The following RCOR1 variants were observed in gnomAD, a reference collection of about 807,000 sequenced individuals.
RCOR1 encodes the protein REST corepressor.
In RCOR1, 12 loss-of-function variants were observed where a neutral mutation model predicts 64.0. The observed-to-expected ratio is 0.19, with a 90% CI of 0.12 to 0.30. RCOR1 has a LOEUF of 0.30. RCOR1 is among the 10% of genes least tolerant of loss of function. The pLI, the probability that RCOR1 is intolerant of heterozygous loss-of-function variation, is 1.00. For missense variants in RCOR1, 502 were observed against 621.2 expected, an observed-to-expected ratio of 0.81 and a Z score of 2.04; for synonymous variants, 279 against 227.2, an observed-to-expected ratio of 1.23 and a Z score of -2.05.
chr14:102,657,878 A>T, intron 2 of RCOR1: 1 of 984,844 alleles, frequency 1.0e-6, no homozygotes, highest in Non-Finnish European at 1.2e-6. Context: ...ATTAAGGGCA[A>T]ACTTGGAACA....
At chr14:102,621,431 A>G (rs1004820892) in intron 2 of RCOR1, among the ~76,000 whole-genome samples, 1 of 125,814 alleles carries the variant, frequency 7.9e-6, no homozygotes, top group African/African-American at 3.2e-5. Flanking sequence ...GCTGGAGTGC[A>G]CTGGTGCAAT....
intron 2 of RCOR1, among the ~76,000 whole-genome samples, chr14:102,616,328 G>A (rs1893762751): frequency 6.6e-6 from 1 of 151,720 alleles, no homozygotes; most frequent in East Asian, 1.9e-4. Flanking sequence ...GGAGTGCAGT[G>A]GTGCGATCAC....
At chr14:102,679,029 C>T (rs758786947) in intron 2 of RCOR1, among the ~76,000 whole-genome samples, 90 of 152,142 alleles carry the variant, frequency 5.9e-4, no homozygotes, top group Middle Eastern at 3.4e-3. Context: ...GATAGAAGTC[C>T]TTTGTTGCAT....
At chr14:102,623,444 T>C (rs1893918008) in intron 2 of RCOR1, among the ~76,000 whole-genome samples, 1 of 151,352 alleles carries the variant, frequency 6.6e-6, no homozygotes, top group Non-Finnish European at 1.5e-5. Flanking sequence ...AGTCTCGCTC[T>C]GTCGCCCAGG....
chr14:102,627,237 C>T (rs142551490), intron 2 of RCOR1, among the ~76,000 whole-genome samples: 6 of 152,266 alleles, frequency 3.9e-5, no homozygotes, highest in South Asian at 2.1e-4. Context: ...GTATACTAGG[C>T]TCCATGCTTT....
At chr14:102,618,448 G>C (rs1465162782) in intron 2 of RCOR1, among the ~76,000 whole-genome samples, 1 of 151,766 alleles carries the variant, frequency 6.6e-6, no homozygotes, top group African/African-American at 2.4e-5. Context: ...CATGTCTTCA[G>C]GGGGAAAAAA....
At chr14:102,701,371 G>A (rs772019948) in intron 4 of RCOR1, 41 bp downstream of exon 4, 3 of 1,422,084 alleles carry the variant, frequency 2.1e-6, no homozygotes, top group Non-Finnish European at 2.9e-6. Flanking sequence ...TAAAAAATGA[G>A]TATTTGTAAC....
In RCOR1 at chr14:102,726,635, A is replaced by G. The variant is rs1212455039; in HGVS notation, c.*129A>G. The G allele has an allele frequency of 9.2e-6, 7 of 761,884 alleles. No individual in the cohort carries two copies. Among genetic ancestry groups the G allele is most frequent in the South Asian group, 8.2e-5 (5 of 60,898 alleles). 47.2% of individuals were successfully genotyped at this position (761,884 alleles called of 1,614,324 possible). A position where few individuals can be genotyped will look rare whatever the true frequency, so the allele number is the denominator to read the frequency against. Reference sequence around the variant, plus strand: ...GCAGCTATTACCAAAAAAGGCATATACTTCCAGTCCTGTGCTCCATCTGCC... The same window carrying G: ...GCAGCTATTACCAAAAAAGGCATATGCTTCCAGTCCTGTGCTCCATCTGCC... On this transcript the variant is annotated 3_prime_UTR_variant, in exon 12 of 12. Coordinates refer to ENST00000262241, the MANE Select transcript of RCOR1 (RefSeq NM_015156.4).
chr14:102,701,418 G>A (rs1326709747), intron 4 of RCOR1, 88 bp downstream of exon 4: 4 of 1,026,196 alleles, frequency 3.9e-6, no homozygotes, highest in Admixed American at 2.9e-5. Context: ...GTATTGAGTA[G>A]CAGTGTTTCT....
intron 7 of RCOR1, among the ~76,000 whole-genome samples, chr14:102,712,603 T>C (rs892842752): frequency 2.6e-5 from 4 of 152,008 alleles, no homozygotes; most frequent in Non-Finnish European, 5.9e-5. Context: ...TTTTTTTCAT[T>C]AGAACCGATT....
intron 2 of RCOR1, among the ~76,000 whole-genome samples, chr14:102,677,242 C>G: frequency 8.2e-6 from 1 of 122,644 alleles, no homozygotes; most frequent in Non-Finnish European, 1.7e-5. Flanking sequence ...GACGGGGTGG[C>G]TGGCCGGGCA....
At chr14:102,684,874 A>T (rs1314087797) in intron 3 of RCOR1, among the ~76,000 whole-genome samples, 2 of 152,248 alleles carry the variant, frequency 1.3e-5, no homozygotes, top group Non-Finnish European at 1.5e-5. Flanking sequence ...ATACTTTATT[A>T]CATGGATATG....
intron 2 of RCOR1, among the ~76,000 whole-genome samples, chr14:102,674,925 T>C (rs2139952240): frequency 6.6e-6 from 1 of 151,158 alleles, no homozygotes; most frequent in East Asian, 2.0e-4. Context: ...CAGGGCGTGG[T>C]GGCAGGCGCC....
intron 2 of RCOR1, among the ~76,000 whole-genome samples, chr14:102,675,655 A>G (rs1011280552): frequency 4.6e-5 from 7 of 152,352 alleles, no homozygotes; most frequent in Non-Finnish European, 7.3e-5. Flanking sequence ...ACAGTTGATC[A>G]TGGGTAACTG....
rs937280846 is a variant in RCOR1, at chr14:102,627,912, A to G, written c.361+34587A>G. Among the ~76,000 whole-genome samples the G allele has an allele frequency of 1.3e-5, 2 of 151,652 alleles. 1 individual carries two copies. The highest frequency in any genetic ancestry group is 4.8e-5 in the African/African-American group (2 of 41,244). ...TGTCTGTGTGTGCGTGTATATATAT[A>G]TGTATATAATATGTATGAAGGGTTT... On this transcript the variant is annotated intron_variant, in intron 2 of 11. Coordinates refer to ENST00000262241, the MANE Select transcript of RCOR1 (RefSeq NM_015156.4).
intron 2 of RCOR1, among the ~76,000 whole-genome samples, chr14:102,605,918 T>C (rs1325367498): frequency 2.0e-5 from 3 of 151,928 alleles, no homozygotes; most frequent in African/African-American, 7.2e-5. Context: ...GTGTGTGTCT[T>C]TGTGGTTTTT....
intron 2 of RCOR1, among the ~76,000 whole-genome samples, chr14:102,617,581 C>CTCTT (rs1162648556): frequency 6.6e-5 from 8 of 121,512 alleles, no homozygotes; most frequent in African/African-American, 6.7e-5. Context: ...AAGACACTGT[C>CTCTT]TCTTTCTTTT....
intron 11 of RCOR1, 39 bp from the exon 12 acceptor site, chr14:102,726,417 TGTTTACCTACTC>T: frequency 6.5e-7 from 1 of 1,528,626 alleles, no homozygotes; most frequent in Non-Finnish European, 8.9e-7. Context: ...CAGCTTGTGT[TGTTTACCTACTC>T]TTTGATCCTT....
chr14:102,677,918 A>G (rs71417819), intron 2 of RCOR1, among the ~76,000 whole-genome samples: 5,724 of 151,594 alleles, frequency 0.038, 74 homozygotes, highest in Non-Finnish European at 0.043. Flanking sequence ...ACCATTGAGC[A>G]CTGAGTGAAC....
Sources: gnomAD v4.1 joint callset for allele counts (sites outside exome capture counted in the v4.1 genomes callset) on GRCh38, gnomAD v4.1.1 for gene constraint, MANE v1.5 for transcripts, NCBI Gene and HGNC (gene_info 2026-07-23, HGNC 2026-07-21) for gene names.